The following MYO9A variants were observed in gnomAD, a reference collection of about 807,000 sequenced individuals.
The protein encoded by MYO9A is myosin IXA.
A neutral mutation model predicts 293.3 loss-of-function variants in MYO9A; 103 were observed. The observed-to-expected ratio is 0.35, with a 90% CI of 0.30 to 0.41. The LOEUF (loss-of-function observed/expected upper bound fraction) is 0.41, where lower values mean the gene tolerates loss of function less well. MYO9A is among the 10% of genes least tolerant of loss of function. The pLI, the probability that MYO9A is intolerant of heterozygous loss-of-function variation, is 1.00. For synonymous variants in MYO9A, 1,001 were observed against 1,035.7 expected (o/e 0.97, Z 0.64); for missense variants, 2,685 against 3,033.0 (o/e 0.89, Z 2.69).
At chr15:72,027,669 A>T in intron 4 of MYO9A, 62 bp downstream of exon 4, 2 of 1,291,976 alleles carry the variant, frequency 1.5e-6, no homozygotes, top group South Asian at 1.3e-5. Flanking sequence ...CAAAGACCTT[A>T]AAAGTCAGTC....
At chr15:72,033,728 C>A (rs920739841) in intron 2 of MYO9A, among the ~76,000 whole-genome samples, 1 of 152,174 alleles carries the variant, frequency 6.6e-6, no homozygotes. Flanking sequence ...TGGATATATA[C>A]ATTTATCAAA....
intron 1 of MYO9A, among the ~76,000 whole-genome samples, chr15:72,047,670 A>C (rs1325553565): frequency 6.7e-6 from 1 of 150,206 alleles, no homozygotes; most frequent in Non-Finnish European, 1.5e-5. Flanking sequence ...CCAAAAAACT[A>C]CTCTCATGTG....
intron 1 of MYO9A, among the ~76,000 whole-genome samples, chr15:72,103,266 G>A (rs1289870255): frequency 1.5e-5 from 2 of 134,002 alleles, no homozygotes; most frequent in Non-Finnish European, 3.2e-5. Flanking sequence ...GAGAAGCAGA[G>A]GCAGCAGCAG....
Position 71,829,925 on chromosome 15 carries a change from G to A in MYO9A, c.7040+184C>T, listed in dbSNP as rs535038049. ...GCTCATGGAACTGGCTTCCCAGAGG[G>A]AACAACTCTCACACTGTTACCTGAG... On this transcript the variant is annotated intron_variant, in intron 40 of 41. Transcript: ENST00000356056. Among the ~76,000 whole-genome samples the A allele has an allele frequency of 3.9e-5, 6 of 152,132 alleles. 1 individual carries two copies. The South Asian group carries it at 1.0e-3, about 26-fold the overall frequency.
intron 6 of MYO9A, among the ~76,000 whole-genome samples, chr15:72,016,463 T>C (rs112319147): frequency 0.017 from 2,653 of 152,300 alleles, 83 homozygotes; most frequent in African/African-American, 0.06. Flanking sequence ...TTTCTAACTA[T>C]AGGTCTCCTT....
At chr15:72,111,996 A>C (rs2080796395) in intron 1 of MYO9A, among the ~76,000 whole-genome samples, 1 of 152,168 alleles carries the variant, frequency 6.6e-6, no homozygotes, top group Non-Finnish European at 1.5e-5. Context: ...CAAAGTTATA[A>C]GGCTAGAACT....
chr15:72,074,951 CTTTTTTTTTTTT>C (rs750462703), intron 1 of MYO9A, among the ~76,000 whole-genome samples: 119 of 53,138 alleles, frequency 2.2e-3, no homozygotes, highest in African/African-American at 7.6e-3. Flanking sequence ...TTTTCACTGC[CTTTTTTTTTTTT>C]TTTTTTTTTT....
intron 11 of MYO9A, among the ~76,000 whole-genome samples, chr15:71,980,197 T>C (rs2076238202): frequency 1.3e-5 from 2 of 152,144 alleles, no homozygotes; most frequent in African/African-American, 4.8e-5. Context: ...AAAAATAACG[T>C]CTTATGACCA....
At chr15:71,943,638 C>G (rs769973057) in intron 15 of MYO9A, among the ~76,000 whole-genome samples, 42 of 152,038 alleles carry the variant, frequency 2.8e-4, no homozygotes, top group Admixed American at 1.0e-3. Flanking sequence ...AAGAAAGATA[C>G]AAAACATTTC....
In MYO9A at chr15:71,852,216, C is replaced by T; in HGVS notation, c.6391G>A (p.Ala2131Thr). Residue 2131 changes from alanine (A) to threonine (T), a missense_variant, in exon 36 of 42, where the codon GCA (alanine) becomes ACA (threonine). Physicochemically the swap from Ala to Thr is moderately conservative, Grantham distance 58. Transcript: ENST00000356056. ...NLDDYNIHVI[A>T]SVFKQWLRDL... ...CGAAGCCATTGTTTGAATACACTTG[C>T]AATGACGTGTATGTTATAGTCATCT... 1 of 1,612,680 alleles carries T rather than the reference C, an allele frequency of 6.2e-7. No individual in the cohort carries two copies. Among genetic ancestry groups the T allele is most frequent in the Non-Finnish European group, 8.5e-7 (1 of 1,178,822 alleles).
At chr15:71,883,566 A>T in intron 28 of MYO9A, 28 bp downstream of exon 28, 1 of 1,594,586 alleles carries the variant, frequency 6.3e-7, no homozygotes, top group Non-Finnish European at 8.5e-7. Flanking sequence ...AATTATGAAC[A>T]CAAGTTCCAC....
At chr15:71,927,980 T>C (rs2058357590) in intron 18 of MYO9A, among the ~76,000 whole-genome samples, 1 of 131,916 alleles carries the variant, frequency 7.6e-6, no homozygotes, top group Admixed American at 7.8e-5. Flanking sequence ...GGTTAATGTA[T>C]ATTTTCTTCT....
chr15:72,100,485 G>C (rs1043116055), intron 1 of MYO9A, among the ~76,000 whole-genome samples: 1 of 151,584 alleles, frequency 6.6e-6, no homozygotes, highest in Non-Finnish European at 1.5e-5. Context: ...GAGCGTCTCC[G>C]ACCGGCCGCC....
chr15:72,064,737 A>G (rs561115530), intron 1 of MYO9A, among the ~76,000 whole-genome samples: 1 of 152,350 alleles, frequency 6.6e-6, no homozygotes, highest in East Asian at 1.9e-4. Flanking sequence ...ATGGAAAAAT[A>G]TACTATATCC....
chr15:72,061,879 T>C (rs1034455775), intron 1 of MYO9A, among the ~76,000 whole-genome samples: 5 of 152,210 alleles, frequency 3.3e-5, no homozygotes, highest in African/African-American at 1.2e-4. Context: ...ACCACAGGCC[T>C]TGGGCAGGAC....
intron 33 of MYO9A, among the ~76,000 whole-genome samples, chr15:71,862,137 C>CA (rs552368431): frequency 3.3e-5 from 5 of 151,380 alleles, no homozygotes; most frequent in South Asian, 2.1e-4. Context: ...ATCTCAAAAA[C>CA]AAAAAAAAGA....
At chr15:71,848,394 C>A (rs2055483764) in intron 39 of MYO9A, among the ~76,000 whole-genome samples, 1 of 152,120 alleles carries the variant, frequency 6.6e-6, no homozygotes, top group Non-Finnish European at 1.5e-5. Context: ...GATGGAATTC[C>A]ATTTCCTTAA....
At chr15:72,103,532 G>A (rs76734127) in intron 1 of MYO9A, among the ~76,000 whole-genome samples, 1 of 149,770 alleles carries the variant, frequency 6.7e-6, no homozygotes, top group Non-Finnish European at 1.5e-5. Flanking sequence ...AGCAGTGGAA[G>A]CAGAAGCAGC....
intron 1 of MYO9A, among the ~76,000 whole-genome samples, chr15:72,112,752 T>C (rs1567054702): frequency 6.6e-6 from 1 of 152,184 alleles, no homozygotes; most frequent in Non-Finnish European, 1.5e-5. Flanking sequence ...GGGTTTCCCA[T>C]GTAAATTAAA....
Sources: gnomAD v4.1 joint callset for allele counts (sites outside exome capture counted in the v4.1 genomes callset) on GRCh38, gnomAD v4.1.1 for gene constraint, MANE v1.5 for transcripts, NCBI Gene and HGNC (gene_info 2026-07-23, HGNC 2026-07-21) for gene names.